WDR27: variants seen among roughly 807,000 people sequenced by gnomAD.
WDR27 encodes the protein WD repeat-containing protein 27.
In WDR27, 100 loss-of-function variants were observed where a neutral mutation model predicts 114.4. That is an observed-to-expected ratio of 0.87 (90% CI 0.74 to 1.03). WDR27 has a LOEUF of 1.03. Among genes scored for constraint, WDR27 ranks in the 50% least tolerant of loss-of-function variants. WDR27 has a pLI of 0.00. For synonymous variants in WDR27, 449 were observed against 423.1 expected, an observed-to-expected ratio of 1.06 and a Z score of -0.75; for missense variants, 1,129 against 1,092.9, an observed-to-expected ratio of 1.03 and a Z score of -0.47.
chr6:169,475,958 C>T (rs1002457632), intron 25 of WDR27, among the ~76,000 whole-genome samples: 4 of 152,138 alleles, frequency 2.6e-5, no homozygotes, highest in African/African-American at 9.7e-5. Context: ...TGCATTTATA[C>T]ATTAATGGAG....
At chr6:169,588,130 T>A (rs763864221) in intron 23 of WDR27, among the ~76,000 whole-genome samples, 1 of 152,212 alleles carries the variant, frequency 6.6e-6, no homozygotes, top group Non-Finnish European at 1.5e-5. Flanking sequence ...GCAGAGGCGA[T>A]GAGCATCACA....
At chr6:169,544,542 A>G (rs1427210326) in intron 25 of WDR27, among the ~76,000 whole-genome samples, 1 of 151,870 alleles carries the variant, frequency 6.6e-6, no homozygotes, top group African/African-American at 2.4e-5. Flanking sequence ...AGGTTCAAGC[A>G]ATCCTCTTAC....
intron 12 of WDR27, 117 bp downstream of exon 12, chr6:169,658,969 G>A (rs886560453): frequency 2.9e-6 from 4 of 1,390,772 alleles, no homozygotes; most frequent in Non-Finnish European, 3.8e-6. Flanking sequence ...TTATAGGCGT[G>A]AGCCACCGCG....
Position 169,698,794 on chromosome 6 carries a change from G to T in WDR27, c.-8+2757C>A, listed in dbSNP as rs141802898. ...TCCAAAGGCTGAGGAGAGGGGCCAC[G>T]GTGGTGGCACCTGGCAGCCTGTGCT... is the stretch of plus-strand genomic sequence containing the variant. On this transcript the variant is annotated intron_variant, in intron 1 of 25. Coordinates refer to ENST00000448612, the MANE Select transcript of WDR27 (RefSeq NM_182552.5). Among the ~76,000 whole-genome samples, 857 of 152,340 alleles carry T rather than the reference G, an allele frequency of 5.6e-3. 3 individuals are homozygous for T. Among genetic ancestry groups the T allele is most frequent in the Middle Eastern group, 0.01 (3 of 294 alleles).
intron 24 of WDR27, among the ~76,000 whole-genome samples, chr6:169,581,439 A>G (rs1259659330): frequency 1.3e-5 from 2 of 152,322 alleles, no homozygotes; most frequent in African/African-American, 2.4e-5. Context: ...ACAACAACTC[A>G]AAACAATACG....
At chr6:169,467,552 C>T (rs954979431) in intron 25 of WDR27, among the ~76,000 whole-genome samples, 2 of 152,248 alleles carry the variant, frequency 1.3e-5, no homozygotes, top group African/African-American at 4.8e-5. Context: ...GGGGTTTCCA[C>T]CCTCTGAAGC....
chr6:169,666,307 A>G lies in WDR27; in HGVS notation c.713-751T>C, dbSNP rs187469734. 5 of 848,022 alleles carry G rather than the reference A, an allele frequency of 5.9e-6. No individual in the cohort carries two copies. The African/African-American group carries it at 9.3e-5, about 16-fold the overall frequency. The allele number at this position is 848,022 out of a possible 1,614,324, so 52.5% of individuals were successfully genotyped here. A position where few individuals can be genotyped will look rare whatever the true frequency, so the allele number is the denominator to read the frequency against. On this transcript the variant is annotated intron_variant, in intron 6 of 25. Coordinates refer to ENST00000448612, the MANE Select transcript of WDR27 (RefSeq NM_182552.5). Reference sequence around the variant, plus strand: ...TTACAGCACCATAGTCCACACATGGATACATTAACCTCAGAAAGAATGTTA... The same window carrying G: ...TTACAGCACCATAGTCCACACATGGGTACATTAACCTCAGAAAGAATGTTA...
At chr6:169,499,994 T>C (rs1289873963) in intron 25 of WDR27, among the ~76,000 whole-genome samples, 1 of 152,192 alleles carries the variant, frequency 6.6e-6, no homozygotes, top group Non-Finnish European at 1.5e-5. Flanking sequence ...CCCCAGCTGC[T>C]GGGTGCATAC....
At chr6:169,555,929 A>G (rs1327143757) in intron 25 of WDR27, among the ~76,000 whole-genome samples, 1 of 152,178 alleles carries the variant, frequency 6.6e-6, no homozygotes, top group Non-Finnish European at 1.5e-5. Context: ...CATATAGGGA[A>G]AAATGACTCT....
At chr6:169,484,955 A>C (rs1443820351) in intron 25 of WDR27, among the ~76,000 whole-genome samples, 1 of 152,226 alleles carries the variant, frequency 6.6e-6, no homozygotes, top group African/African-American at 2.4e-5. Context: ...TGCTGGGATA[A>C]GTGGCTAGCT....
intron 24 of WDR27, among the ~76,000 whole-genome samples, chr6:169,575,818 A>G (rs1802239051): frequency 6.6e-6 from 1 of 152,266 alleles, no homozygotes; most frequent in East Asian, 1.9e-4. Flanking sequence ...AGGGTGCACC[A>G]GAGATTTAAC....
At chr6:169,609,124 A>T (rs1056788982) in intron 22 of WDR27, among the ~76,000 whole-genome samples, 1 of 152,130 alleles carries the variant, frequency 6.6e-6, no homozygotes, top group African/African-American at 2.4e-5. Context: ...GGCTTTGCGG[A>T]GCATAACCTC....
intron 25 of WDR27, among the ~76,000 whole-genome samples, chr6:169,493,675 T>C (rs1336040893): frequency 6.6e-6 from 1 of 152,180 alleles, no homozygotes; most frequent in Non-Finnish European, 1.5e-5. Flanking sequence ...GTATTACATA[T>C]TTGGCGATAC....
chr6:169,670,309 A>G (rs1778357690), intron 4 of WDR27: 1 of 313,626 alleles, frequency 3.2e-6, no homozygotes, highest in Non-Finnish European at 5.7e-6. Flanking sequence ...AGTTTTGCAG[A>G]ACATGTTTCT....
intron 23 of WDR27, among the ~76,000 whole-genome samples, chr6:169,598,820 G>A (rs1482101203): frequency 6.6e-6 from 1 of 152,168 alleles, no homozygotes; most frequent in Non-Finnish European, 1.5e-5. Flanking sequence ...CTCCAGAGCC[G>A]ACAGAAAATA....
chr6:169,626,293 A>G (rs1230016706), intron 21 of WDR27, among the ~76,000 whole-genome samples: 1 of 152,084 alleles, frequency 6.6e-6, no homozygotes, highest in Non-Finnish European at 1.5e-5. Context: ...GAGGCTTTGC[A>G]CACCCACAGA....
At chr6:169,678,955 T>C (rs910693843) in intron 2 of WDR27, among the ~76,000 whole-genome samples, 12 of 152,180 alleles carry the variant, frequency 7.9e-5, no homozygotes, top group Non-Finnish European at 2.9e-5. Context: ...CAACCTGCTC[T>C]CTCTGAAGTC....
intron 24 of WDR27, among the ~76,000 whole-genome samples, chr6:169,572,993 G>A (rs946734318): frequency 6.7e-6 from 1 of 149,072 alleles, no homozygotes; most frequent in Non-Finnish European, 1.5e-5. Context: ...GTGTCAATGC[G>A]CCGCATACCA....
chr6:169,498,172 T>C (rs114859865), intron 25 of WDR27, among the ~76,000 whole-genome samples: 2 of 152,042 alleles, frequency 1.3e-5, no homozygotes, highest in Admixed American at 1.3e-4. Context: ...AAATGCTATA[T>C]GATTCTATTT....
Sources: gnomAD v4.1 joint callset for allele counts (sites outside exome capture counted in the v4.1 genomes callset) on GRCh38, gnomAD v4.1.1 for gene constraint, MANE v1.5 for transcripts, NCBI Gene and HGNC (gene_info 2026-07-23, HGNC 2026-07-21) for gene names.